The following APOOL variants were observed in gnomAD, a reference collection of about 807,000 sequenced individuals.
APOOL encodes apolipoprotein O like.
In APOOL, 12 loss-of-function variants were observed where a neutral mutation model predicts 23.1. The ratio of observed to expected loss-of-function variants is 0.52; its 90% CI spans 0.33 to 0.84. The LOEUF (loss-of-function observed/expected upper bound fraction) is 0.84. APOOL is among the 40% of genes least tolerant of loss of function. The pLI, the probability that APOOL is intolerant of heterozygous loss-of-function variation, is 0.02. For missense variants in APOOL, 212 were observed against 199.6 expected (o/e 1.06, Z -0.37); for synonymous variants, 77 against 69.9 (o/e 1.10, Z -0.51).
chrX:85,039,928 T>G (rs1164116859), intron 1 of APOOL, among the ~76,000 whole-genome samples: 1 of 112,131 alleles, frequency 8.9e-6, no homozygotes, highest in Non-Finnish European at 1.9e-5. Flanking sequence ...TGTGCAGATT[T>G]GGTCCTGTCA....
At chrX:85,072,147 T>C (rs986239834) in intron 6 of APOOL, among the ~76,000 whole-genome samples, 1 of 111,435 alleles carries the variant, frequency 9.0e-6, no homozygotes, top group Admixed American at 9.5e-5. Flanking sequence ...TATAAATCAA[T>C]GAGCAAAAGA....
rs748876275 is a variant in APOOL, at chrX:85,091,603, C to T, written c.*3925C>T. The T allele has an allele frequency of 1.4e-3, 151 of 111,743 alleles. No individual in the cohort carries two copies. Among genetic ancestry groups the T allele is most frequent in the African/African-American group, 4.7e-3 (146 of 30,763 alleles). The allele number at this position is 111,743 out of a possible 1,213,427, so 9.2% of individuals were successfully genotyped here. A position where few individuals can be genotyped will look rare whatever the true frequency, so the allele number is the denominator to read the frequency against. On this transcript the variant is annotated 3_prime_UTR_variant, in exon 9 of 9. Coordinates refer to ENST00000373173, the MANE Select transcript of APOOL (RefSeq NM_198450.6). ...CAAAAGTTAGAATTATTTCAAAGGA[C>T]TTATACTCTACTAGGAAAGAGAGAA...
intron 1 of APOOL, among the ~76,000 whole-genome samples, chrX:85,026,190 G>A (rs1921837130): frequency 8.8e-6 from 1 of 113,584 alleles, no homozygotes; most frequent in Admixed American, 9.2e-5. Flanking sequence ...GCATTCTCCA[G>A]AGTGGTAGCC....
intron 8 of APOOL, among the ~76,000 whole-genome samples, chrX:85,082,088 C>T (rs1251088168): frequency 8.9e-6 from 1 of 112,205 alleles, no homozygotes; most frequent in Non-Finnish European, 1.9e-5. Context: ...AAGCCTACTT[C>T]TGTCAGTTCG....
chrX:85,004,072 T>G, intron 1 of APOOL, 145 bp downstream of exon 1: 1 of 762,447 alleles, frequency 1.3e-6, no homozygotes, highest in East Asian at 3.2e-5. Flanking sequence ...TCTTTATCGT[T>G]TGAAGCCTCA....
intron 1 of APOOL, among the ~76,000 whole-genome samples, chrX:85,030,559 G>A (rs1003502253): frequency 1.8e-5 from 2 of 111,520 alleles, no homozygotes; most frequent in Admixed American, 9.5e-5. Context: ...TATACACCAC[G>A]GAATACTACT....
At chrX:85,055,728 ATTATC>A in intron 4 of APOOL, 94 bp from the exon 5 acceptor site, 2 of 555,425 alleles carry the variant, frequency 3.6e-6, no homozygotes, top group Non-Finnish European at 5.4e-6. Context: ...AAACCTCATT[ATTATC>A]TTAGCAAATC....
chrX:85,032,209 A>G (rs1922059513), intron 1 of APOOL, among the ~76,000 whole-genome samples: 1 of 112,500 alleles, frequency 8.9e-6, no homozygotes, highest in African/African-American at 3.2e-5. Flanking sequence ...CCATTTCTGG[A>G]GGATTTTTAA....
intron 8 of APOOL, among the ~76,000 whole-genome samples, chrX:85,079,939 C>T (rs752314592): frequency 9.0e-6 from 1 of 110,927 alleles, no homozygotes; most frequent in African/African-American, 3.3e-5. Context: ...TGGTGATATC[C>T]CCTTTATCAT....
chrX:85,010,165 T>C (rs1921227785), intron 1 of APOOL, among the ~76,000 whole-genome samples: 1 of 111,731 alleles, frequency 9.0e-6, no homozygotes, highest in Non-Finnish European at 1.9e-5. Context: ...GACTTCCTGT[T>C]TCTCCATGTT....
At chrX:85,059,451 A>G (rs1421535814) in intron 5 of APOOL, among the ~76,000 whole-genome samples, 1 of 110,619 alleles carries the variant, frequency 9.0e-6, no homozygotes, top group Non-Finnish European at 1.9e-5. Flanking sequence ...AGGAATCGCC[A>G]CACTGACTTC....
intron 5 of APOOL, 57 bp from the exon 6 acceptor site, chrX:85,067,070 A>G: frequency 2.6e-6 from 2 of 762,893 alleles, no homozygotes; most frequent in Non-Finnish European, 3.9e-6. Flanking sequence ...CGGTATAAGA[A>G]CATCAAGTCT....
At chrX:85,062,715 G>T (rs1200006991) in intron 5 of APOOL, among the ~76,000 whole-genome samples, 1 of 111,001 alleles carries the variant, frequency 9.0e-6, no homozygotes, top group Non-Finnish European at 1.9e-5. Flanking sequence ...TGCTCCATTG[G>T]TCTGTGTGCC....
chrX:85,007,923 A>G (rs774968018), intron 1 of APOOL, among the ~76,000 whole-genome samples: 17 of 111,785 alleles, frequency 1.5e-4, no homozygotes, highest in Non-Finnish European at 3.0e-4. Context: ...TAAGGTAGGT[A>G]ACTTTACCTG....
rs1220693000 is a variant in APOOL at position 85,088,544 on chromosome X, T to A, written c.*866T>A. 2.8e-5 allele frequency: 3 copies of A among 108,578 alleles called. No homozygotes were observed. Among genetic ancestry groups the A allele is most frequent in the Non-Finnish European group, 5.7e-5 (3 of 52,364 alleles). 8.9% of individuals were successfully genotyped at this position (108,578 alleles called of 1,213,427 possible). Reference sequence around the variant, plus strand: ...GTTCCTAAGTGGTTTACTATTGTGTTCCCTGGAAGAGGTATTACAAACGTT... The same window carrying A: ...GTTCCTAAGTGGTTTACTATTGTGTACCCTGGAAGAGGTATTACAAACGTT... On this transcript the variant is annotated 3_prime_UTR_variant, in exon 9 of 9. Transcript: ENST00000373173.
chrX:85,009,805 C>T (rs1344042344), intron 1 of APOOL, among the ~76,000 whole-genome samples: 1 of 110,857 alleles, frequency 9.0e-6, no homozygotes, highest in Non-Finnish European at 1.9e-5. Flanking sequence ...ACCCATTACC[C>T]TCAGGTGTCT....
At chrX:85,054,196 G>A (rs1170516220) in intron 3 of APOOL, 148 bp from the exon 4 acceptor site, 1 of 473,975 alleles carries the variant, frequency 2.1e-6, no homozygotes, top group Non-Finnish European at 3.6e-6. Flanking sequence ...AAAACAAGCT[G>A]GTAGTGAATA....
At chrX:85,017,953 T>C (rs1039948260) in intron 1 of APOOL, among the ~76,000 whole-genome samples, 4 of 112,070 alleles carry the variant, frequency 3.6e-5, no homozygotes, top group African/African-American at 1.3e-4. Flanking sequence ...GGTATGTTCC[T>C]GCAGTGGTTC....
intron 1 of APOOL, among the ~76,000 whole-genome samples, chrX:85,008,811 A>G (rs890257586): frequency 4.5e-5 from 5 of 111,626 alleles, no homozygotes; most frequent in African/African-American, 1.6e-4. Flanking sequence ...GAAAAATGCC[A>G]CTAGAATTGA....
Sources: gnomAD v4.1 joint callset for allele counts (sites outside exome capture counted in the v4.1 genomes callset) on GRCh38, gnomAD v4.1.1 for gene constraint, MANE v1.5 for transcripts, NCBI Gene and HGNC (gene_info 2026-07-23, HGNC 2026-07-21) for gene names.